The following PAPPA2 variants were observed in gnomAD, a reference collection of about 807,000 sequenced individuals.
PAPPA2 encodes pappalysin 2, also known as pappalysin-2.
A neutral mutation model predicts 176.4 loss-of-function variants in PAPPA2; 86 were observed. That is an observed-to-expected ratio of 0.49 (90% confidence interval 0.41 to 0.58). The LOEUF is 0.58. PAPPA2 is among the 20% of genes least tolerant of loss of function. The pLI is 0.00. For missense variants in PAPPA2, 2,073 were observed against 2,256.9 expected (o/e 0.92, Z 1.65); for synonymous variants, 809 against 852.2 (o/e 0.95, Z 0.88).
chr1:176,819,555 G>A (rs1666571039), intron 21 of PAPPA2, among the ~76,000 whole-genome samples: 1 of 152,128 alleles, frequency 6.6e-6, no homozygotes. Flanking sequence ...GACATATACA[G>A]TTCTTTTGGC....
chr1:176,550,928 C>A (rs1462023690), intron 1 of PAPPA2, among the ~76,000 whole-genome samples: 1 of 152,188 alleles, frequency 6.6e-6, no homozygotes, highest in Non-Finnish European at 1.5e-5. Flanking sequence ...GTGTTCGATA[C>A]TGCCTTCCCA....
rs537574346 is a variant in PAPPA2 at position 176,587,859 on chromosome 1, C to T, written c.920-6665C>T. On this transcript the variant is annotated intron_variant, in intron 2 of 22. Coordinates refer to ENST00000367662, the MANE Select transcript of PAPPA2 (RefSeq NM_020318.3). Reference sequence around the variant, plus strand: ...CGTATACCTATGTAATAAACCTGCACGTTGTGCACATGTACCCTAGAAATT... The same window carrying T: ...CGTATACCTATGTAATAAACCTGCATGTTGTGCACATGTACCCTAGAAATT... Among the ~76,000 whole-genome samples the T allele has an allele frequency of 7.2e-5, 11 of 152,216 alleles. 1 individual carries two copies. Among genetic ancestry groups the T allele is most frequent in the Admixed American group, 2.6e-4 (4 of 15,302 alleles).
chr1:176,657,541 G>A (rs953891230), intron 3 of PAPPA2, among the ~76,000 whole-genome samples: 2 of 151,998 alleles, frequency 1.3e-5, no homozygotes, highest in Non-Finnish European at 2.9e-5. Flanking sequence ...GAAGGGTGTG[G>A]TTGGATTTAA....
Position 176,699,260 on chromosome 1 carries a change from G to A in PAPPA2, c.2907G>A (p.Trp969Ter). ...TCCAAGCCGACACCCTCACCCTGTG[G>A]GTCACTTCCTTCTTCATGGAGTCCT... ...HPVQADTLTL[W>*]VTSFFMESSQ... The change falls in exon 8 of 23, where the codon TGG becomes TGA. Residue 969 changes from tryptophan to a stop codon, truncating the protein, a stop_gained. Transcript: ENST00000367662. LOFTEE classifies it high-confidence loss of function. 6.2e-7 allele frequency: 1 copy of A among 1,614,110 alleles called. No homozygotes were observed. Among genetic ancestry groups the A allele is most frequent in the Non-Finnish European group, 8.5e-7 (1 of 1,180,008 alleles).
chr1:176,525,921 T>A (rs574284656), intron 1 of PAPPA2, among the ~76,000 whole-genome samples: 11 of 152,304 alleles, frequency 7.2e-5, no homozygotes, highest in African/African-American at 2.6e-4. Context: ...TAGGTGATCT[T>A]CCCTGTTCTT....
intron 10 of PAPPA2, among the ~76,000 whole-genome samples, chr1:176,708,559 A>AGAGAGAG (rs3979555): frequency 2.0e-5 from 3 of 150,916 alleles, no homozygotes; most frequent in African/African-American, 2.4e-5. Context: ...AGAGAGAGAG[A>AGAGAGAG]ATCATCATGG....
At chr1:176,465,445 A>G (rs1313160292) in intron 1 of PAPPA2, among the ~76,000 whole-genome samples, 3 of 152,182 alleles carry the variant, frequency 2.0e-5, no homozygotes, top group African/African-American at 7.2e-5. Flanking sequence ...GACAGGTGAC[A>G]ACGTTTATTT....
At chr1:176,529,987 G>C (rs1223351182) in intron 1 of PAPPA2, among the ~76,000 whole-genome samples, 1 of 152,116 alleles carries the variant, frequency 6.6e-6, no homozygotes, top group Non-Finnish European at 1.5e-5. Context: ...TTAATGTACA[G>C]GGACCAGCTA....
chr1:176,527,252 A>G (rs1203710257), intron 1 of PAPPA2, among the ~76,000 whole-genome samples: 1 of 152,250 alleles, frequency 6.6e-6, no homozygotes, highest in African/African-American at 2.4e-5. Context: ...CCACAGCCAT[A>G]TTGTGCAGAG....
chr1:176,467,608 G>A (rs557690869), intron 1 of PAPPA2, among the ~76,000 whole-genome samples: 3 of 152,154 alleles, frequency 2.0e-5, no homozygotes, highest in Non-Finnish European at 4.4e-5. Context: ...AGTTGACAGC[G>A]CCAGGTGCTA....
chr1:176,557,016 A>C lies in PAPPA2; in HGVS notation c.694A>C (p.Lys232Gln), dbSNP rs1391253194. 11 of 1,614,086 alleles carry C rather than the reference A, an allele frequency of 6.8e-6. No homozygotes were observed. Among genetic ancestry groups the C allele is most frequent in the Admixed American group, 5.0e-5 (3 of 60,012 alleles). Residue 232 changes from lysine to glutamine, a missense_variant, in exon 2 of 23, where the codon AAA becomes CAA. Physicochemically the swap from Lys to Gln is moderately conservative, Grantham distance 53 (BLOSUM62 1). Transcript: ENST00000367662. ...CAAGCATTCCCTTAAACACAGGGTC[A>C]AAAAGAGTCCACCGGAGGAAAGCAA... ...WPKHSLKHRV[K>Q]KSPPEESNQN...
rs34602579 is a variant in PAPPA2, at chr1:176,791,432, C to G, written c.4970C>G (p.Pro1657Arg). The change falls in exon 19 of 23, where the codon CCC (proline) becomes CGC (arginine). Residue 1657 changes from proline to arginine, a missense_variant. Coordinates refer to ENST00000367662, the MANE Select transcript of PAPPA2 (RefSeq NM_020318.3). The part of the protein sequence containing the change: ...ENLQGECPPP[P>R]SELNSVEYKC... ...CTGCAAGGAGAATGCCCACCACCCC[C>G]CTCAGAGCTGAATTCTGTGGAGTAC... 13,159 of 1,613,808 alleles carry G rather than the reference C, an allele frequency of 8.2e-3. 216 individuals are homozygous for G. The highest frequency in any genetic ancestry group is 0.038 in the South Asian group (3,499 of 91,060).
At chr1:176,649,310 G>A (rs1340774629) in intron 3 of PAPPA2, among the ~76,000 whole-genome samples, 3 of 150,482 alleles carry the variant, frequency 2.0e-5, no homozygotes, top group Non-Finnish European at 4.5e-5. Flanking sequence ...TTTTGTTTCT[G>A]GTTTGAGTCT....
intron 4 of PAPPA2, among the ~76,000 whole-genome samples, chr1:176,678,748 C>T (rs942494111): frequency 2.0e-5 from 3 of 151,786 alleles, no homozygotes; most frequent in African/African-American, 7.3e-5. Flanking sequence ...CTTTATTTCT[C>T]ATATGCCTAC....
intron 3 of PAPPA2, among the ~76,000 whole-genome samples, chr1:176,652,394 T>G (rs1296518438): frequency 1.3e-5 from 2 of 151,730 alleles, no homozygotes; most frequent in Non-Finnish European, 3.0e-5. Flanking sequence ...TTTTCAACAC[T>G]AAATGGCACC....
chr1:176,674,353 A>C (rs1036819268), intron 4 of PAPPA2, among the ~76,000 whole-genome samples: 1 of 152,060 alleles, frequency 6.6e-6, no homozygotes, highest in Non-Finnish European at 1.5e-5. Context: ...ATTTTGGTGT[A>C]CCCATCACCC....
intron 17 of PAPPA2, among the ~76,000 whole-genome samples, chr1:176,786,084 G>A (rs1159968166): frequency 6.6e-6 from 1 of 152,160 alleles, no homozygotes; most frequent in Non-Finnish European, 1.5e-5. Context: ...GGAGGTGGTA[G>A]AAAGAAGAGA....
At chr1:176,638,811 G>A (rs894649295) in intron 3 of PAPPA2, among the ~76,000 whole-genome samples, 5 of 151,764 alleles carry the variant, frequency 3.3e-5, no homozygotes, top group Admixed American at 1.3e-4. Flanking sequence ...TTTATATCTG[G>A]CAATGAAACC....
chr1:176,480,575 G>C (rs965762286), intron 1 of PAPPA2, among the ~76,000 whole-genome samples: 2 of 152,124 alleles, frequency 1.3e-5, no homozygotes, highest in Non-Finnish European at 2.9e-5. Context: ...GAAGGGGATA[G>C]GCAGGGGACA....
Sources: gnomAD v4.1 joint callset for allele counts (sites outside exome capture counted in the v4.1 genomes callset) on GRCh38, gnomAD v4.1.1 for gene constraint, MANE v1.5 for transcripts, NCBI Gene and HGNC (gene_info 2026-07-23, HGNC 2026-07-21) for gene names.